The following ATG7 variants were observed in gnomAD, a reference collection of about 807,000 sequenced individuals.
ATG7 encodes the protein ubiquitin-like modifier-activating enzyme ATG7.
ATG7 carries 70 observed loss-of-function variants against 82.4 expected under a neutral mutation model. The ratio of observed to expected loss-of-function variants is 0.85; its 90% CI spans 0.70 to 1.04. ATG7 has a LOEUF of 1.04. Ranked by LOEUF, ATG7 falls within the 50% of genes least tolerant of loss-of-function variation. ATG7 has a pLI of 0.00. For missense variants in ATG7, 792 were observed against 864.3 expected, an observed-to-expected ratio of 0.92 and a Z score of 1.05; for synonymous variants, 287 against 313.0, an observed-to-expected ratio of 0.92 and a Z score of 0.88.
At chr3:11,508,433 C>T (rs2091866787) in intron 20 of ATG7, among the ~76,000 whole-genome samples, 1 of 151,924 alleles carries the variant, frequency 6.6e-6, no homozygotes, top group South Asian at 2.1e-4. Flanking sequence ...ATGCGTTAGA[C>T]AAGCTTGGTC....
intron 20 of ATG7, among the ~76,000 whole-genome samples, chr3:11,539,368 G>C (rs2070631464): frequency 6.6e-6 from 1 of 152,250 alleles, no homozygotes; most frequent in Non-Finnish European, 1.5e-5. Context: ...TGGCTTCAGA[G>C]ACAGAGCTCT....
chr3:11,558,523 C>T, downstream of ATG7: 4 of 1,482,672 alleles, frequency 2.7e-6, no homozygotes, highest in Non-Finnish European at 2.7e-6. Flanking sequence ...GCAAACCATG[C>T]AGATCCACGT....
chr3:11,307,075 C>T lies in ATG7; in HGVS notation c.333+15C>T, dbSNP rs756431974. 7.5e-6 allele frequency: 12 copies of T among 1,598,052 alleles called. No homozygotes were observed. The highest frequency in any genetic ancestry group is 8.6e-6 in the Non-Finnish European group (10 of 1,165,632). ...CAGCAAATGAGGTTAGCTGTGAAAA[C>T]GTGATGTATGTGTCATATTTCCTGT... On this transcript the variant is annotated intron_variant, in intron 6 of 20. Coordinates refer to ENST00000693202, the MANE Select transcript of ATG7 (RefSeq NM_001349232.2).
At chr3:11,485,304 T>C (rs1234386883) in intron 20 of ATG7, among the ~76,000 whole-genome samples, 8 of 152,172 alleles carry the variant, frequency 5.3e-5, no homozygotes, top group Admixed American at 5.2e-4. Context: ...ATGTTGAGCA[T>C]TTTTTCATGT....
At chr3:11,517,546 T>C (rs1000264924) in intron 20 of ATG7, among the ~76,000 whole-genome samples, 4 of 152,166 alleles carry the variant, frequency 2.6e-5, no homozygotes, top group Admixed American at 1.3e-4. Context: ...CCTGCTGAGA[T>C]GGAGAATCGA....
intron 20 of ATG7, among the ~76,000 whole-genome samples, chr3:11,492,357 A>T (rs2090443202): frequency 6.6e-6 from 1 of 152,082 alleles, no homozygotes; most frequent in Non-Finnish European, 1.5e-5. Flanking sequence ...TCCTGCGCCC[A>T]CTGTCTGGCA....
chr3:11,468,967 G>A (rs776133420), intron 20 of ATG7, among the ~76,000 whole-genome samples: 6 of 152,178 alleles, frequency 3.9e-5, no homozygotes, highest in Non-Finnish European at 7.3e-5. Context: ...AAGCTGAAGC[G>A]GTGCACAGCT....
intron 18 of ATG7, among the ~76,000 whole-genome samples, chr3:11,365,385 C>T (rs767164068): frequency 3.9e-5 from 6 of 152,184 alleles, no homozygotes; most frequent in Non-Finnish European, 5.9e-5. Flanking sequence ...GAGGAAGTTC[C>T]ATCCCTTAGG....
chr3:11,465,196 C>T (rs1255921824), intron 20 of ATG7, among the ~76,000 whole-genome samples: 1 of 151,968 alleles, frequency 6.6e-6, no homozygotes, highest in African/African-American at 2.4e-5. Context: ...GTGGCTCACA[C>T]CTGTAATCCC....
chr3:11,321,661 G>A (rs1950241302), intron 9 of ATG7, among the ~76,000 whole-genome samples: 1 of 152,200 alleles, frequency 6.6e-6, no homozygotes, highest in Non-Finnish European at 1.5e-5. Flanking sequence ...GAGTAGGAAG[G>A]CCAGACTTCA....
chr3:11,531,254 C>A (rs7651886), intron 20 of ATG7, among the ~76,000 whole-genome samples: 1 of 151,996 alleles, frequency 6.6e-6, no homozygotes, highest in African/African-American at 2.4e-5. Context: ...AAGGCAGAGT[C>A]CAGAGGAAGT....
intron 3 of ATG7, among the ~76,000 whole-genome samples, chr3:11,294,371 C>T (rs1945505154): frequency 6.8e-6 from 1 of 146,790 alleles, no homozygotes; most frequent in Admixed American, 6.9e-5. Flanking sequence ...CAGGTGCACT[C>T]CACTACACCC....
At chr3:11,439,065 C>CTTTT (rs1178574171) in intron 20 of ATG7, among the ~76,000 whole-genome samples, 1 of 80,556 alleles carries the variant, frequency 1.2e-5, no homozygotes, top group Non-Finnish European at 2.4e-5. Flanking sequence ...TCTTTTCTTT[C>CTTTT]TTTCTTTTTT....
At chr3:11,471,730 T>A (rs905223796) in intron 20 of ATG7, among the ~76,000 whole-genome samples, 2 of 145,402 alleles carry the variant, frequency 1.4e-5, no homozygotes, top group African/African-American at 5.1e-5. Flanking sequence ...CTTCATAGAT[T>A]GGCTTTTTAG....
chr3:11,440,936 G>C (rs879411299), intron 20 of ATG7, among the ~76,000 whole-genome samples: 2 of 151,584 alleles, frequency 1.3e-5, no homozygotes, highest in African/African-American at 2.4e-5. Context: ...CACCTGCCTC[G>C]GCCTCCCAAA....
At chr3:11,562,051 C>T (rs1427420831), downstream of ATG7, among the ~76,000 whole-genome samples, 6 of 152,202 alleles carry the variant, frequency 3.9e-5, no homozygotes, top group African/African-American at 1.4e-4. Flanking sequence ...GCACCCACCA[C>T]CACGCCTGGC....
At chr3:11,319,364 T>C (rs1949893009) in intron 9 of ATG7, among the ~76,000 whole-genome samples, 1 of 147,172 alleles carries the variant, frequency 6.8e-6, no homozygotes, top group African/African-American at 2.5e-5. Context: ...TCTGGCTTCA[T>C]GTTTTACTTG....
At chr3:11,497,487 G>A (rs1223582539) in intron 20 of ATG7, among the ~76,000 whole-genome samples, 1 of 121,078 alleles carries the variant, frequency 8.3e-6, no homozygotes, top group Admixed American at 1.0e-4. Flanking sequence ...AGTGAACCAA[G>A]ATCACACCAC....
chr3:11,522,701 G>T (rs2092472695), intron 20 of ATG7, among the ~76,000 whole-genome samples: 1 of 152,212 alleles, frequency 6.6e-6, no homozygotes, highest in Admixed American at 6.5e-5. Context: ...CTTTCAGTGG[G>T]TAATTTCATA....
Sources: allele counts gnomAD v4.1 joint callset (sites outside exome capture counted in the v4.1 genomes callset), GRCh38; gene constraint gnomAD v4.1.1; transcripts MANE v1.5; gene names NCBI Gene and HGNC (gene_info 2026-07-23, HGNC 2026-07-21).